The following CCDC178 variants were observed in gnomAD, a reference collection of about 807,000 sequenced individuals.
CCDC178 encodes the protein coiled-coil domain-containing protein 178.
CCDC178 carries 126 observed loss-of-function variants against 117.4 expected under a neutral mutation model. That is an observed-to-expected ratio of 1.07 (90% CI 0.93 to 1.24). CCDC178 has a LOEUF of 1.24. Ranked by LOEUF, CCDC178 falls within the 50% of genes most tolerant of loss-of-function variation. The pLI is 0.00. For missense variants in CCDC178, 1,030 were observed against 986.9 expected, an observed-to-expected ratio of 1.04 and a Z score of -0.59; for synonymous variants, 283 against 313.4, an observed-to-expected ratio of 0.90 and a Z score of 1.02.
intron 5 of CCDC178, among the ~76,000 whole-genome samples, chr18:33,379,173 A>AAT (rs1461180640): frequency 4.1e-3 from 200 of 49,120 alleles, no homozygotes; most frequent in Non-Finnish European, 7.0e-3. Context: ...CCATATATAT[A>AAT]ATATATATAT....
chr18:33,152,109 C>T (rs537574548), intron 20 of CCDC178, among the ~76,000 whole-genome samples: 104 of 151,902 alleles, frequency 6.8e-4, no homozygotes, highest in Admixed American at 3.7e-3. Context: ...TTAAAGTTTT[C>T]GGAGAGGAGA....
intron 5 of CCDC178, among the ~76,000 whole-genome samples, chr18:33,377,718 T>C (rs1305688336): frequency 2.6e-5 from 4 of 152,198 alleles, no homozygotes; most frequent in African/African-American, 9.6e-5. Context: ...CTTTCCCCAT[T>C]GCTTATGTTT....
intron 20 of CCDC178, among the ~76,000 whole-genome samples, chr18:33,184,937 A>T (rs549355881): frequency 6.6e-6 from 1 of 152,196 alleles, no homozygotes; most frequent in Non-Finnish European, 1.5e-5. Flanking sequence ...GCTTCTTGTA[A>T]CTAGTTGCAC....
chr18:33,361,152 A>G (rs1309347807), intron 6 of CCDC178, among the ~76,000 whole-genome samples: 7 of 151,746 alleles, frequency 4.6e-5, no homozygotes, highest in Non-Finnish European at 3.0e-5. Flanking sequence ...AACATAGACC[A>G]ATGGAATAGA....
rs765810777 is a variant in CCDC178 at position 33,333,244 on chromosome 18, C to T, written c.809G>A (p.Gly270Asp). The change falls in exon 10 of 23, where the codon GGC becomes GAC. Residue 270 changes from glycine to aspartate, a missense_variant. Physicochemically the swap from Gly to Asp is moderately conservative, Grantham distance 94 (BLOSUM62 -1). Transcript: ENST00000383096. ...QADIDYMNEH[G>D]PLLDSKQNQE... Reference sequence around the variant, plus strand: ...ATTCTGCTTAGAGTCCAGTAGAGGGCCATGTTCATTCATGTAGTCTATGTC... The same window carrying T: ...ATTCTGCTTAGAGTCCAGTAGAGGGTCATGTTCATTCATGTAGTCTATGTC... 6.2e-7 allele frequency: 1 copy of T among 1,612,882 alleles called. No individual in the cohort carries two copies. The highest frequency in any genetic ancestry group is 1.7e-5 in the Admixed American group (1 of 59,970).
rs145058959 is a variant in CCDC178 at position 33,005,699 on chromosome 18, G to A, written c.2389-31018C>T. Among the ~76,000 whole-genome samples, 175 of 152,112 alleles carry A rather than the reference G, an allele frequency of 1.2e-3. 1 individual carries two copies. Among genetic ancestry groups the A allele is most frequent in the African/African-American group, 3.9e-3 (163 of 41,548 alleles). The stretch of plus-strand genomic sequence containing the variant: ...TGATTATTATGCATTGAGTGCCTTT[G>A]TTAGACTATTTCATGTAATCCATAC... On this transcript the variant is annotated intron_variant, in intron 21 of 22. Coordinates refer to ENST00000383096, the MANE Select transcript of CCDC178 (RefSeq NM_001105528.4).
intron 2 of CCDC178, among the ~76,000 whole-genome samples, chr18:33,417,804 A>C (rs2063967271): frequency 6.6e-6 from 1 of 152,148 alleles, no homozygotes; most frequent in African/African-American, 2.4e-5. Flanking sequence ...AAGAGATTGA[A>C]ACTCTGAATA....
At chr18:33,388,740 C>T (rs903042604) in intron 5 of CCDC178, among the ~76,000 whole-genome samples, 1 of 151,204 alleles carries the variant, frequency 6.6e-6, no homozygotes, top group Non-Finnish European at 1.5e-5. Flanking sequence ...GGGATGGTCT[C>T]GATCTCCTGA....
intron 21 of CCDC178, among the ~76,000 whole-genome samples, chr18:32,984,548 C>T (rs1354215024): frequency 2.0e-5 from 3 of 151,700 alleles, no homozygotes; most frequent in Non-Finnish European, 3.0e-5. Flanking sequence ...TGTGTAAAGA[C>T]AGTAGTTTAT....
At chr18:33,235,142 A>G (rs2059412556) in intron 15 of CCDC178, among the ~76,000 whole-genome samples, 1 of 152,176 alleles carries the variant, frequency 6.6e-6, no homozygotes, top group Admixed American at 6.5e-5. Context: ...GTCTGAGAAC[A>G]TAAAGAACAG....
intron 20 of CCDC178, among the ~76,000 whole-genome samples, chr18:33,190,971 T>G (rs2058850723): frequency 6.6e-6 from 1 of 152,210 alleles, no homozygotes; most frequent in Admixed American, 6.5e-5. Context: ...GCTTCTCACT[T>G]GCTCATATTA....
intron 15 of CCDC178, among the ~76,000 whole-genome samples, chr18:33,238,748 G>C (rs898136791): frequency 1.3e-5 from 2 of 152,122 alleles, no homozygotes; most frequent in Non-Finnish European, 2.9e-5. Context: ...AAAGTCATGA[G>C]AGAGAGATGG....
At chr18:33,220,100 G>A (rs963581625) in intron 18 of CCDC178, among the ~76,000 whole-genome samples, 2 of 151,902 alleles carry the variant, frequency 1.3e-5, no homozygotes, top group Admixed American at 1.3e-4. Flanking sequence ...TAACTTGGGG[G>A]TAAAATTTAG....
chr18:33,150,151 GTCT>G (rs2058324287), intron 20 of CCDC178, among the ~76,000 whole-genome samples: 6 of 152,002 alleles, frequency 3.9e-5, no homozygotes, highest in African/African-American at 1.4e-4. Flanking sequence ...GGACACCCTA[GTCT>G]ATATGGTGCT....
At chr18:33,429,192 C>A (rs2064170840) in intron 2 of CCDC178, among the ~76,000 whole-genome samples, 1 of 152,042 alleles carries the variant, frequency 6.6e-6, no homozygotes, top group South Asian at 2.1e-4. Flanking sequence ...CAAAGACTTT[C>A]TGGATTAATA....
chr18:33,178,756 C>A (rs1234917888), intron 20 of CCDC178, among the ~76,000 whole-genome samples: 1 of 151,908 alleles, frequency 6.6e-6, no homozygotes, highest in Non-Finnish European at 1.5e-5. Context: ...ACCTGGCTAG[C>A]TCCTACATAT....
intron 21 of CCDC178, among the ~76,000 whole-genome samples, chr18:33,044,687 T>C (rs1322033292): frequency 6.6e-6 from 1 of 152,050 alleles, no homozygotes; most frequent in Non-Finnish European, 1.5e-5. Context: ...AAGAAACAAT[T>C]ATAGCAAAAA....
chr18:33,033,327 T>A (rs2056381644), intron 21 of CCDC178, among the ~76,000 whole-genome samples: 1 of 152,092 alleles, frequency 6.6e-6, no homozygotes, highest in Non-Finnish European at 1.5e-5. Context: ...TTTCTCCTCA[T>A]GAGTTTAGCC....
At chr18:33,415,668 C>T (rs1466980481) in intron 2 of CCDC178, among the ~76,000 whole-genome samples, 3 of 151,950 alleles carry the variant, frequency 2.0e-5, no homozygotes, top group African/African-American at 4.8e-5. Context: ...GCACGTTGTG[C>T]ACATGTACCC....
Sources: gnomAD v4.1 joint callset for allele counts (sites outside exome capture counted in the v4.1 genomes callset) on GRCh38, gnomAD v4.1.1 for gene constraint, MANE v1.5 for transcripts, NCBI Gene and HGNC (gene_info 2026-07-23, HGNC 2026-07-21) for gene names.